Variants in LAMA1 observed in about 807,000 individuals in gnomAD.
The protein encoded by LAMA1 is laminin subunit alpha 1.
LAMA1 carries 219 observed loss-of-function variants against 348.7 expected under a neutral mutation model. That is an observed-to-expected ratio of 0.63 (90% CI 0.56 to 0.70). The LOEUF is 0.70. Among genes scored for constraint, LAMA1 ranks in the 30% least tolerant of loss-of-function variants. LAMA1 has a pLI of 0.00. For missense variants in LAMA1, 3,744 were observed against 3,888.0 expected, an observed-to-expected ratio of 0.96 and a Z score of 0.99; for synonymous variants, 1,487 against 1,491.0, an observed-to-expected ratio of 1.00 and a Z score of 0.06.
chr18:7,111,106 T>C (rs2143836491), intron 1 of LAMA1, among the ~76,000 whole-genome samples: 1 of 152,226 alleles, frequency 6.6e-6, no homozygotes, highest in African/African-American at 2.4e-5. Flanking sequence ...CCACCAGCAA[T>C]ACAGGAGGTT....
intron 55 of LAMA1, chr18:6,957,174 T>A (rs2057583175): frequency 3.2e-6 from 1 of 309,818 alleles, no homozygotes; most frequent in East Asian, 8.2e-5. Flanking sequence ...GCCAGGAGGT[T>A]GTGGGCTACG....
rs546551846 is a variant in LAMA1 at position 6,962,854 on chromosome 18, C to T, written c.7338-795G>A. Among the ~76,000 whole-genome samples, 12 of 152,212 alleles carry T rather than the reference C, an allele frequency of 7.9e-5. No homozygotes were observed. The East Asian group carries it at 1.5e-3, about 20-fold the overall frequency. ...GTATTTGGTGAAGTCTGGGATTATC[C>T]GAAACTCTACTTCTCAATGTTCAAG... On this transcript the variant is annotated intron_variant, in intron 51 of 62. Coordinates refer to ENST00000389658, the MANE Select transcript of LAMA1 (RefSeq NM_005559.4).
intron 1 of LAMA1, among the ~76,000 whole-genome samples, chr18:7,112,510 AAG>A (rs1171179590): frequency 1.3e-5 from 2 of 152,112 alleles, no homozygotes; most frequent in Non-Finnish European, 2.9e-5. Flanking sequence ...GTTACCTCAA[AAG>A]AGAGTAAAAA....
At chr18:6,972,478 G>A (rs1030890884) in intron 47 of LAMA1, among the ~76,000 whole-genome samples, 13 of 152,288 alleles carry the variant, frequency 8.5e-5, no homozygotes, top group African/African-American at 1.2e-4. Context: ...AGAAATTAAC[G>A]TGGAGCACTG....
chr18:7,064,156 T>C (rs1029452952), intron 3 of LAMA1, among the ~76,000 whole-genome samples: 1 of 146,834 alleles, frequency 6.8e-6, no homozygotes, highest in Admixed American at 6.7e-5. Context: ...GTATTGTGGA[T>C]TTTTTTTTGT....
chr18:7,040,146 C>T lies in LAMA1; in HGVS notation c.1352G>A (p.Cys451Tyr). The T allele has an allele frequency of 1.2e-6, 2 of 1,614,096 alleles. No individual in the cohort carries two copies. Among genetic ancestry groups the T allele is most frequent in the Non-Finnish European group, 1.7e-6 (2 of 1,180,010 alleles). Reference sequence around the variant, plus strand: ...CACTGGGTTGCACCCACAGGAGACACAGGTCGGGTAATCCTTATAGCCAAG... The same window carrying T: ...CACTGGGTTGCACCCACAGGAGACATAGGTCGGGTAATCCTTATAGCCAAG... The part of the protein sequence containing the change: ...CQLGYKDYPT[C>Y]VSCGCNPVGS... The change falls in exon 10 of 63, where the codon TGT (cysteine) becomes TAT (tyrosine). Residue 451 changes from cysteine to tyrosine, a missense_variant. Cys to Tyr is a radical substitution (Grantham distance 194). Around this residue, in one of 3 missense-constraint regions of LAMA1, gnomAD observed 1,529 missense variants for 1,689.4 expected, o/e 0.91. Transcript: ENST00000389658.
chr18:7,028,387 G>A (rs1019372518), intron 16 of LAMA1, among the ~76,000 whole-genome samples: 1 of 152,056 alleles, frequency 6.6e-6, no homozygotes, highest in African/African-American at 2.4e-5. Flanking sequence ...CCTAACAGCA[G>A]GCAGAGAAAA....
chr18:7,003,400 A>T (rs762211113), intron 29 of LAMA1, among the ~76,000 whole-genome samples: 2 of 151,830 alleles, frequency 1.3e-5, no homozygotes, highest in African/African-American at 4.8e-5. Context: ...ACAGGTGCCC[A>T]CCACCACAAC....
intron 47 of LAMA1, 139 bp downstream of exon 47, chr18:6,972,918 G>A (rs1378998097): frequency 1.1e-5 from 9 of 841,324 alleles, no homozygotes; most frequent in South Asian, 4.1e-5. Context: ...CTTGAACTCC[G>A]GACCTCAGGT....
intron 1 of LAMA1, among the ~76,000 whole-genome samples, chr18:7,088,840 C>A (rs2058228151): frequency 6.6e-6 from 1 of 152,090 alleles, no homozygotes; most frequent in African/African-American, 2.4e-5. Flanking sequence ...ATTCTTTATG[C>A]ATTTAAAAAT....
At chr18:6,988,489 G>A (rs1399676049) in intron 36 of LAMA1, among the ~76,000 whole-genome samples, 2 of 152,142 alleles carry the variant, frequency 1.3e-5, no homozygotes, top group African/African-American at 2.4e-5. Flanking sequence ...ACTGTGTCTT[G>A]GAATGTGCTT....
intron 50 of LAMA1, 124 bp from the exon 51 acceptor site, chr18:6,964,927 G>T: frequency 1.8e-6 from 2 of 1,107,048 alleles, no homozygotes; most frequent in Non-Finnish European, 2.7e-6. Context: ...CTGCGAATTT[G>T]ATCAGCTAAT....
intron 23 of LAMA1, among the ~76,000 whole-genome samples, chr18:7,013,261 C>T (rs1303937993): frequency 6.6e-6 from 1 of 152,092 alleles, no homozygotes; most frequent in African/African-American, 2.4e-5. Context: ...AGTCACCCAT[C>T]AGCTCATTAC....
At chr18:6,997,305 A>G (rs142890493) in intron 33 of LAMA1, among the ~76,000 whole-genome samples, 9,708 of 152,036 alleles carry the variant, frequency 0.064, 340 homozygotes, top group Middle Eastern at 0.11. Context: ...CTCGTGATCC[A>G]CCCGCCTTGG....
chr18:7,099,594 G>A (rs2058283079), intron 1 of LAMA1, among the ~76,000 whole-genome samples: 1 of 151,504 alleles, frequency 6.6e-6, no homozygotes, highest in African/African-American at 2.4e-5. Context: ...AAACTTTCCA[G>A]AAGAAAACCT....
At chr18:7,055,137 T>C (rs183459964) in intron 3 of LAMA1, among the ~76,000 whole-genome samples, 41 of 151,856 alleles carry the variant, frequency 2.7e-4, no homozygotes, top group Admixed American at 2.4e-3. Context: ...TGTGTGTGTG[T>C]GTAAATATAT....
intron 1 of LAMA1, among the ~76,000 whole-genome samples, chr18:7,107,930 C>T (rs1327670365): frequency 6.6e-6 from 1 of 151,560 alleles, no homozygotes; most frequent in Non-Finnish European, 1.5e-5. Context: ...AGGAGAATGG[C>T]GTGAATCTGG....
In LAMA1 at chr18:7,042,199, C is replaced by T. The variant is rs890508577; in HGVS notation, c.1207G>A (p.Gly403Arg). The stretch of plus-strand genomic sequence containing the variant: ...TTAATACAGACAGAACTGAGGGACC[C>T]CACAGGGTCACAATTACAGGGGCGG... ...PCRPCNCDPV[G>R]SLSSVCIKDD... Residue 403 changes from glycine to arginine, a missense_variant, in exon 9 of 63, where the codon GGG becomes AGG. By Grantham distance (125) the Gly-to-Arg change is moderately radical. This residue lies in a region of LAMA1 where 1,529 missense variants were observed against 1,689.4 expected (regional missense o/e 0.91). Transcript: ENST00000389658. 1.9e-6 allele frequency: 3 copies of T among 1,612,726 alleles called. No individual in the cohort carries two copies. The African/African-American group carries it at 4.0e-5, about 22-fold the overall frequency.
intron 62 of LAMA1, 111 bp from the exon 63 acceptor site, chr18:6,942,350 T>C: frequency 8.7e-7 from 1 of 1,154,160 alleles, no homozygotes; most frequent in Non-Finnish European, 1.2e-6. Flanking sequence ...TTTTAAATTT[T>C]TCACTATCAA....
Sources: gnomAD v4.1 joint callset for allele counts (sites outside exome capture counted in the v4.1 genomes callset) on GRCh38, gnomAD v4.1.1 for gene constraint, gnomAD v4.1.1 regional missense constraint, MANE v1.5 for transcripts, NCBI Gene and HGNC (gene_info 2026-07-23, HGNC 2026-07-21) for gene names.